DECR2: variants seen among roughly 807,000 people sequenced by gnomAD.
DECR2 encodes the protein 2,4-dienoyl-CoA reductase 2.
In DECR2, 34 loss-of-function variants were observed where a neutral mutation model predicts 29.2. The observed-to-expected ratio is 1.16, with a 90% CI of 0.89 to 1.55. DECR2 has a LOEUF of 1.55. DECR2 is among the 40% of genes most tolerant of loss of function. The probability of loss-of-function intolerance (pLI) is 0.00; values close to 1 mark genes in which losing one functional copy is unlikely to be tolerated. For synonymous variants in DECR2, 224 were observed against 182.7 expected (o/e 1.23, Z -1.82); for missense variants, 485 against 425.3 (o/e 1.14, Z -1.23).
rs1347987649 is a variant in DECR2, at chr16:407,502, C to T, written c.279C>T (p.Val93=). The stretch of plus-strand genomic sequence containing the variant: ...TGGACGTCCGAGCGCCCCCAGCTGT[C>T]ATGGCCGCCGTGGACCAGGCTCTGA... The part of the protein sequence containing the change: ...LSMDVRAPPA[V]MAAVDQALKE... The change falls in exon 4 of 9, where the codon GTC becomes GTT. Residue 93 remains valine, a synonymous_variant. Coordinates refer to ENST00000219481, the MANE Select transcript of DECR2 (RefSeq NM_020664.4). 4.3e-6 allele frequency: 7 copies of T among 1,613,924 alleles called. No homozygotes were observed. The African/African-American group carries it at 9.3e-5, about 22-fold the overall frequency.
chr16:403,433 C>T (rs866752555), intron 1 of DECR2, among the ~76,000 whole-genome samples: 3 of 152,140 alleles, frequency 2.0e-5, no homozygotes, highest in East Asian at 1.9e-4. Flanking sequence ...ACATTTAATG[C>T]GTACAAGAAA....
At position 405,548 on chromosome 16, in the gene DECR2, G is replaced by C. The variant is rs866864129; in HGVS notation, c.149+524G>C. On this transcript the variant is annotated intron_variant, in intron 2 of 8. Transcript: ENST00000219481. ...GACCAGATGGGACATTGCAGCTCCA[G>C]TGGGACCTGCCTAGCAGGGGTAGCT... is the stretch of plus-strand genomic sequence containing the variant. The C allele has an allele frequency of 2.3e-6, 3 of 1,304,800 alleles. No individual in the cohort carries two copies. The African/African-American group carries it at 4.5e-5, about 20-fold the overall frequency. The allele number at this position is 1,304,800 out of a possible 1,614,324, so 80.8% of individuals were successfully genotyped here.
chr16:407,276 C>G (rs2054736257), intron 3 of DECR2, 149 bp from the exon 4 acceptor site: 1 of 1,451,978 alleles, frequency 6.9e-7, no homozygotes, highest in South Asian at 1.5e-5. Flanking sequence ...GTCGTGGGCA[C>G]TTGCAGGCTG....
At chr16:411,725 C>A in intron 8 of DECR2, 147 bp downstream of exon 8, 1 of 882,164 alleles carries the variant, frequency 1.1e-6, no homozygotes, top group Non-Finnish European at 1.7e-6. Flanking sequence ...CACATGGGTG[C>A]TGCCCAGTGG....
chr16:405,722 G>A, intron 2 of DECR2: 1 of 707,816 alleles, frequency 1.4e-6, no homozygotes, highest in East Asian at 6.5e-5. Context: ...CTGTGAGACG[G>A]GCGTCTCCAT....
chr16:405,021 T>G lies in DECR2; in HGVS notation c.146T>G (p.Met49Arg). ...GGGTTCCGGATTGCTGAGATTTTCA[T>G]GCGGTGAGACTGCTCTGTGTCCCTT... is the stretch of plus-strand genomic sequence containing the variant. ...GIGFRIAEIF[M>R]RHGCHTVIAS... Residue 49 changes from methionine (M) to arginine (R), a missense_variant, in exon 2 of 9, where the codon ATG becomes AGG. Coordinates refer to ENST00000219481, the MANE Select transcript of DECR2 (RefSeq NM_020664.4). 6.2e-7 allele frequency: 1 copy of G among 1,614,148 alleles called. No individual in the cohort carries two copies. The highest frequency in any genetic ancestry group is 1.1e-5 in the South Asian group (1 of 91,082).
intron 4 of DECR2, among the ~76,000 whole-genome samples, chr16:408,583 C>T (rs1328607646): frequency 2.7e-5 from 4 of 150,246 alleles, no homozygotes; most frequent in South Asian, 2.1e-4. Flanking sequence ...TCATGGCTTA[C>T]TGCAGCCTCC....
At chr16:408,262 T>TCTCC (rs2054766088) in intron 4 of DECR2, among the ~76,000 whole-genome samples, 1 of 66,574 alleles carries the variant, frequency 1.5e-5, no homozygotes, top group African/African-American at 6.1e-5. Context: ...CCCCTGTCTC[T>TCTCC]GGGCCTCTGT....
At chr16:402,120 C>A in intron 1 of DECR2, 77 bp downstream of exon 1, 1 of 1,200,404 alleles carries the variant, frequency 8.3e-7, no homozygotes, top group Non-Finnish European at 1.1e-6. Context: ...CACGTGGTCC[C>A]CGAGGGCTCG....
intron 8 of DECR2, 128 bp from the exon 9 acceptor site, chr16:411,762 T>C (rs1204504): frequency 0.54 from 327,743 of 607,764 alleles, 91,945 homozygotes; most frequent in African/African-American, 0.83. Context: ...GGCGCTGGTG[T>C]ACTTGCTCTT....
At position 406,285 on chromosome 16, in the gene DECR2, G is replaced by A. The variant is rs561456724; in HGVS notation, c.150-61G>A. On this transcript the variant is annotated intron_variant, in intron 2 of 8. Coordinates refer to ENST00000219481, the MANE Select transcript of DECR2 (RefSeq NM_020664.4). ...TGAGAGACTCCTGCTCAGGAGCTGG[G>A]CAGATGCCCCGGGAGTGCCCCTCGC... 5 of 1,410,826 alleles carry A rather than the reference G, an allele frequency of 3.5e-6. No homozygotes were observed. In the South Asian group the frequency reaches 4.8e-5, roughly 13 times the overall value. 87.4% of individuals were successfully genotyped at this position (1,410,826 alleles called of 1,614,324 possible).
At chr16:411,700 G>T in intron 8 of DECR2, 122 bp downstream of exon 8, 3 of 1,069,128 alleles carry the variant, frequency 2.8e-6, no homozygotes, top group Non-Finnish European at 4.0e-6. Context: ...CCCGGCCCCT[G>T]CGCCAGCCTG....
At chr16:408,002 TCTGTCTCCGGCCCC>T (rs1567340751) in intron 4 of DECR2, among the ~76,000 whole-genome samples, 2 of 6,836 alleles carry the variant, frequency 2.9e-4, no homozygotes, top group Admixed American at 1.5e-3. Flanking sequence ...TCTCCGGGCC[TCTGTCTCCGGCCCC>T]CTGTCTCCGG....
chr16:411,176 C>A, intron 7 of DECR2, 100 bp downstream of exon 7: 2 of 1,290,030 alleles, frequency 1.6e-6, no homozygotes, highest in Non-Finnish European at 2.1e-6. Context: ...TGTTGAAAAG[C>A]CCTGTGCTGG....
In DECR2 at chr16:410,851, C is replaced by A. The variant is rs1401948489; in HGVS notation, c.556+67C>A. 6.6e-7 allele frequency: 1 copy of A among 1,522,546 alleles called. No individual in the cohort carries two copies. Among genetic ancestry groups the A allele is most frequent in the East Asian group, 2.4e-5 (1 of 40,844 alleles). The allele number at this position is 1,522,546 out of a possible 1,614,324, so 94.3% of individuals were successfully genotyped here. ...CCCAATGGGCCGTCTGCTTCCATCC[C>A]AGGAGGCCAGCAGTCTCCACTTGAA... On this transcript the variant is annotated intron_variant, in intron 6 of 8. Coordinates refer to ENST00000219481, the MANE Select transcript of DECR2 (RefSeq NM_020664.4). The surrounding 1 kb of genome is among the most constrained non-coding windows in gnomAD (Gnocchi z 4.1).
In DECR2 at chr16:402,592, C is replaced by T. The variant is rs558698424; in HGVS notation, c.80+549C>T. Among the ~76,000 whole-genome samples, 4 of 152,192 alleles carry T rather than the reference C, an allele frequency of 2.6e-5. No homozygotes were observed. In the South Asian group the frequency reaches 6.2e-4, roughly 24 times the overall value. Reference sequence around the variant, plus strand: ...AAGGCAGCCCGGGCAAAGGTCGATCCTCCCCGGTCACCTGCCCTCACTCGG... The same window carrying T: ...AAGGCAGCCCGGGCAAAGGTCGATCTTCCCCGGTCACCTGCCCTCACTCGG... On this transcript the variant is annotated intron_variant, in intron 1 of 8. Coordinates refer to ENST00000219481, the MANE Select transcript of DECR2 (RefSeq NM_020664.4).
intron 4 of DECR2, among the ~76,000 whole-genome samples, chr16:408,110 GA>G (rs2054760533): frequency 3.1e-5 from 1 of 31,974 alleles, no homozygotes; most frequent in African/African-American, 1.2e-4. Flanking sequence ...CCTGTCTCCG[GA>G]CCTCTGTCTC....
In DECR2 at chr16:401,972, G is replaced by A. The variant is rs1376632948; in HGVS notation, c.9G>A (p.Gln3=). MA[Q]PPPDVEGDDC... ...TCCCCGACGGGAGCGCCATGGCCCA[G>A]CCGCCGCCCGACGTGGAGGGGGACG... Residue 3 remains glutamine, a synonymous_variant, in exon 1 of 9, where the codon CAG becomes CAA. Coordinates refer to ENST00000219481, the MANE Select transcript of DECR2 (RefSeq NM_020664.4). 1 of 1,490,220 alleles carries A rather than the reference G, an allele frequency of 6.7e-7. No homozygotes were observed. The highest frequency in any genetic ancestry group is 2.9e-5 in the East Asian group (1 of 34,342). 92.3% of individuals were successfully genotyped at this position (1,490,220 alleles called of 1,614,324 possible). A position where few individuals can be genotyped will look rare whatever the true frequency, so the allele number is the denominator to read the frequency against.
At chr16:409,939 T>C in intron 4 of DECR2, 1 of 404,790 alleles carries the variant, frequency 2.5e-6, no homozygotes, top group Non-Finnish European at 4.6e-6. Context: ...GGGCTCACCC[T>C]AATTCGTTGT....
Sources: gnomAD v4.1 joint callset for allele counts (sites outside exome capture counted in the v4.1 genomes callset) on GRCh38, gnomAD v4.1.1 for gene constraint, Gnocchi (gnomAD v3.1) non-coding constraint, MANE v1.5 for transcripts, NCBI Gene and HGNC (gene_info 2026-07-23, HGNC 2026-07-21) for gene names.